PAX6: variants seen among roughly 807,000 people sequenced by gnomAD.
The protein encoded by PAX6 is paired box 6.
In PAX6, 7 loss-of-function variants were observed where a neutral mutation model predicts 60.7. That is an observed-to-expected ratio of 0.12 (90% confidence interval 0.07 to 0.22). The LOEUF (loss-of-function observed/expected upper bound fraction) is 0.22. PAX6 is among the 10% of genes least tolerant of loss of function. PAX6 has a pLI of 1.00. For missense variants in PAX6, 355 were observed against 555.2 expected (o/e 0.64, Z 3.62); for synonymous variants, 208 against 201.2 (o/e 1.03, Z -0.29).
At position 31,789,222 on chromosome 11, in the gene PAX6, T is replaced by C. The variant is rs1397555392; in HGVS notation, c.*712A>G. On this transcript the variant is annotated 3_prime_UTR_variant, in exon 14 of 14. Coordinates refer to ENST00000640368, the MANE Select transcript of PAX6 (RefSeq NM_001368894.2). ...AATATAAATGAAATTAACTTTATTATAGAAATCATTCTGAGGATTTCTAGG... is the reference window on the plus strand; with the variant it reads ...AATATAAATGAAATTAACTTTATTACAGAAATCATTCTGAGGATTTCTAGG... 1 of 210,520 alleles carries C rather than the reference T, an allele frequency of 4.8e-6. No homozygotes were observed. Among genetic ancestry groups the C allele is most frequent in the Non-Finnish European group, 9.6e-6 (1 of 103,646 alleles). 13.0% of individuals were successfully genotyped at this position (210,520 alleles called of 1,614,324 possible). A position where few individuals can be genotyped will look rare whatever the true frequency, so the allele number is the denominator to read the frequency against.
At chr11:31,796,687 G>T (rs941784764) in intron 8 of PAX6, among the ~76,000 whole-genome samples, 3 of 152,040 alleles carry the variant, frequency 2.0e-5, no homozygotes, top group Non-Finnish European at 4.4e-5. Flanking sequence ...GAGGGGAAAA[G>T]AAGGCTCAAA....
chr11:31,805,157 C>G (rs1361673935), intron 4 of PAX6: 1 of 152,318 alleles, frequency 6.6e-6, no homozygotes, highest in Admixed American at 6.5e-5. Context: ...GCCCGCGACC[C>G]CGCGCCCCTC....
At chr11:31,815,130 C>A (rs1289116800), upstream of PAX6, among the ~76,000 whole-genome samples, 1 of 152,136 alleles carries the variant, frequency 6.6e-6, no homozygotes, top group African/African-American at 2.4e-5. Flanking sequence ...CCCAGCGGGT[C>A]AGACTCCCAA....
At chr11:31,806,489 C>T in intron 3 of PAX6, 27 bp from the exon 4 acceptor site, 3 of 1,549,524 alleles carry the variant, frequency 1.9e-6, no homozygotes, top group South Asian at 1.2e-5. Context: ...AGGAGTTAAT[C>T]CTCGGGCAGC....
At position 31,790,875 on chromosome 11, in the gene PAX6, G is replaced by T. The variant is rs747814680; in HGVS notation, c.1075-15C>A. 6.2e-6 allele frequency: 10 copies of T among 1,613,222 alleles called. No homozygotes were observed. Among genetic ancestry groups the T allele is most frequent in the Middle Eastern group, 1.7e-4 (1 of 6,054 alleles). ...GGGACTGGGGGCTGTGAGGAGAGAGGCAAACCTGTGGTTACTGAGGAACAC... is the reference window on the plus strand; with the variant it reads ...GGGACTGGGGGCTGTGAGGAGAGAGTCAAACCTGTGGTTACTGAGGAACAC... On this transcript the variant is annotated splice_polypyrimidine_tract_variant and intron_variant, in intron 12 of 13. Coordinates refer to ENST00000640368, the MANE Select transcript of PAX6 (RefSeq NM_001368894.2).
chr11:31,793,692 G>A lies in PAX6; in HGVS notation c.918C>T (p.Ser306=), dbSNP rs753272015. The change falls in exon 11 of 14, where the codon AGC becomes AGT. Residue 306 remains serine, a synonymous_variant. Coordinates refer to ENST00000640368, the MANE Select transcript of PAX6 (RefSeq NM_001368894.2). Reference sequence around the variant, plus strand: ...GTGGAATTGGTTGGTAGACACTGGTGCTGAAACTACTGCTGATAGGAATAT... The same window carrying A: ...GTGGAATTGGTTGGTAGACACTGGTACTGAAACTACTGCTGATAGGAATAT... The part of the protein sequence containing the change: ...PSHIPISSSF[S]TSVYQPIPQP... 6.2e-7 allele frequency: 1 copy of A among 1,614,168 alleles called. No individual in the cohort carries two copies. The highest frequency in any genetic ancestry group is 8.5e-7 in the Non-Finnish European group (1 of 1,179,994).
At position 31,816,876 on chromosome 11, in the gene PAX6, G is replaced by A. The variant is rs572397522; in HGVS notation, c.-317+933C>T. Among the ~76,000 whole-genome samples the A allele has an allele frequency of 9.8e-5, 15 of 152,380 alleles. No individual in the cohort carries two copies. In the South Asian group the frequency reaches 3.1e-3, roughly 32 times the overall value. ...CCCCAAACTCCCGGGCGGGGTTCTT[G>A]GGTGCCCCGCCTAAGCCGGCCTGGG... On this transcript the variant is annotated intron_variant, in intron 1 of 12. Coordinates refer to the PAX6 transcript ENST00000241001.
chr11:31,800,335 T>TA (rs1953241864), intron 8 of PAX6, among the ~76,000 whole-genome samples: 1 of 152,180 alleles, frequency 6.6e-6, no homozygotes, highest in Non-Finnish European at 1.5e-5. Flanking sequence ...GTCAGTGCGT[T>TA]ATCTTGTCAC....
chr11:31,806,314 G>C, intron 4 of PAX6, 88 bp downstream of exon 4: 1 of 1,479,248 alleles, frequency 6.8e-7, no homozygotes. Context: ...CCGGGCCAGC[G>C]CGGGCGTCGC....
At chr11:31,794,366 A>G in intron 9 of PAX6, 1 of 615,408 alleles carries the variant, frequency 1.6e-6, no homozygotes, top group South Asian at 2.0e-5. Context: ...TATAAGTCAG[A>G]CATTTAGTCT....
chr11:31,801,170 G>T (rs1953705985), intron 7 of PAX6: 2 of 1,161,942 alleles, frequency 1.7e-6, no homozygotes, highest in Non-Finnish European at 2.3e-6. Flanking sequence ...ATTTAGACTT[G>T]TTGTAAAGCT....
intron 2 of PAX6, chr11:31,810,504 G>A (rs555037497): frequency 7.4e-4 from 144 of 194,498 alleles, no homozygotes; most frequent in African/African-American, 3.1e-3. Context: ...CTGGGGCTAG[G>A]AGCCGCGGCT....
At chr11:31,809,587 G>A (rs1184353367) in intron 2 of PAX6, among the ~76,000 whole-genome samples, 3 of 152,194 alleles carry the variant, frequency 2.0e-5, no homozygotes, top group African/African-American at 7.2e-5. Context: ...GGGCTATTAT[G>A]GCGCAGGGAG....
In PAX6 at chr11:31,802,693, G is replaced by T. The variant is rs752980037; in HGVS notation, c.141+11C>A. The T allele has an allele frequency of 6.2e-7, 1 of 1,609,120 alleles. No individual in the cohort carries two copies. The highest frequency in any genetic ancestry group is 8.5e-7 in the Non-Finnish European group (1 of 1,177,422). ...CGGGGGCGGCGAGTGGGGCGGCGCCGGGAGGATCACCTGCAGAATTCGGGA... is the reference window on the plus strand; with the variant it reads ...CGGGGGCGGCGAGTGGGGCGGCGCCTGGAGGATCACCTGCAGAATTCGGGA... On this transcript the variant is annotated intron_variant, in intron 5 of 13. Transcript: ENST00000640368.
intron 13 of PAX6, 96 bp from the exon 14 acceptor site, chr11:31,790,115 A>AAAC (rs1554982398): frequency 1.9e-5 from 15 of 791,914 alleles, no homozygotes; most frequent in African/African-American, 1.5e-4. Flanking sequence ...AAAAAAAAAA[A>AAAC]AAAAACTAAT....
At chr11:31,807,539 C>T (rs2135328649) in intron 2 of PAX6, 1 of 152,408 alleles carries the variant, frequency 6.6e-6, no homozygotes, top group East Asian at 1.9e-4. Flanking sequence ...GCAAGCCCAA[C>T]TTTTTATCCC....
At chr11:31,806,252 C>T in intron 4 of PAX6, 150 bp downstream of exon 4, 2 of 757,222 alleles carry the variant, frequency 2.6e-6, no homozygotes, top group Non-Finnish European at 4.1e-6. Context: ...GGCTGCCGGG[C>T]GCGGAGCGGG....
At chr11:31,816,928 C>A (rs1353645132) in intron 1 of PAX6, among the ~76,000 whole-genome samples, 1 of 152,246 alleles carries the variant, frequency 6.6e-6, no homozygotes, top group Non-Finnish European at 1.5e-5. Flanking sequence ...TAGGGCCGGG[C>A]TCCCAGGACT....
At chr11:31,806,351 C>G (rs754114301) in intron 4 of PAX6, 51 bp downstream of exon 4, 8 of 1,589,846 alleles carry the variant, frequency 5.0e-6, no homozygotes, top group Middle Eastern at 1.8e-4. Flanking sequence ...CCCTGACCCT[C>G]GGGTCCGCGC....
Sources: gnomAD v4.1 joint callset for allele counts (sites outside exome capture counted in the v4.1 genomes callset) on GRCh38, gnomAD v4.1.1 for gene constraint, MANE v1.5 for transcripts, NCBI Gene and HGNC (gene_info 2026-07-23, HGNC 2026-07-21) for gene names.